The following IL1RAPL1 variants were observed in gnomAD, a reference collection of about 807,000 sequenced individuals.
IL1RAPL1 encodes interleukin 1 receptor accessory protein like 1, also known as interleukin-1 receptor accessory protein-like 1.
A neutral mutation model predicts 48.4 loss-of-function variants in IL1RAPL1; 3 were observed. That is an observed-to-expected ratio of 0.06 (90% CI 0.03 to 0.16). The LOEUF (loss-of-function observed/expected upper bound fraction) is 0.16. IL1RAPL1 is among the 10% of genes least tolerant of loss of function. IL1RAPL1 has a pLI of 1.00. For missense variants in IL1RAPL1, 349 were observed against 530.6 expected, an observed-to-expected ratio of 0.66 and a Z score of 3.36; for synonymous variants, 185 against 187.7, an observed-to-expected ratio of 0.99 and a Z score of 0.12.
intron 2 of IL1RAPL1, among the ~76,000 whole-genome samples, chrX:28,841,346 G>A (rs977632480): frequency 1.8e-5 from 2 of 110,387 alleles, no homozygotes; most frequent in Non-Finnish European, 3.8e-5. Context: ...CAGATACCAA[G>A]AATAACATAT....
chrX:28,920,496 C>G (rs1436102519), intron 2 of IL1RAPL1, among the ~76,000 whole-genome samples: 2 of 111,382 alleles, frequency 1.8e-5, no homozygotes, highest in Non-Finnish European at 3.8e-5. Flanking sequence ...ATCTTTTCTT[C>G]TTTTGGTAGC....
intron 5 of IL1RAPL1, among the ~76,000 whole-genome samples, chrX:29,647,668 C>G (rs762710093): frequency 1.6e-4 from 18 of 111,214 alleles, no homozygotes; most frequent in Non-Finnish European, 7.5e-5. Flanking sequence ...ATGTAAAAAG[C>G]AAGGAATCAA....
chrX:29,072,185 A>T (rs1190642098), intron 2 of IL1RAPL1, among the ~76,000 whole-genome samples: 2 of 109,956 alleles, frequency 1.8e-5, no homozygotes, highest in Non-Finnish European at 3.8e-5. Context: ...GCTCAGGGAC[A>T]CACCTTTCTC....
chrX:28,977,626 G>T (rs958400777), intron 2 of IL1RAPL1, among the ~76,000 whole-genome samples: 1 of 112,052 alleles, frequency 8.9e-6, no homozygotes, highest in African/African-American at 3.2e-5. Flanking sequence ...AGTTTCAAAA[G>T]GTGTTGAGAG....
At chrX:29,245,002 A>T (rs1162741284) in intron 2 of IL1RAPL1, among the ~76,000 whole-genome samples, 2 of 98,653 alleles carry the variant, frequency 2.0e-5, no homozygotes, top group East Asian at 6.2e-4. Context: ...TTCACCTCCC[A>T]CTTATGAGTG....
At chrX:28,925,972 A>G (rs1237119612) in intron 2 of IL1RAPL1, among the ~76,000 whole-genome samples, 2 of 112,281 alleles carry the variant, frequency 1.8e-5, no homozygotes, top group Admixed American at 1.9e-4. Context: ...ATATTTAGAC[A>G]TTCTATTATT....
chrX:28,594,476 A>G (rs1406421371), intron 1 of IL1RAPL1, among the ~76,000 whole-genome samples: 3 of 112,191 alleles, frequency 2.7e-5, no homozygotes. Context: ...ATAAAAACCT[A>G]ATAGAATTAT....
intron 5 of IL1RAPL1, among the ~76,000 whole-genome samples, chrX:29,456,062 TA>T (rs201146162): frequency 0.1 from 10,883 of 106,377 alleles, 933 homozygotes; most frequent in African/African-American, 0.28. Context: ...TTTAGAAAAT[TA>T]AAAAAAAAAC....
At chrX:29,884,698 T>C (rs978795726) in intron 6 of IL1RAPL1, among the ~76,000 whole-genome samples, 2 of 111,513 alleles carry the variant, frequency 1.8e-5, no homozygotes, top group African/African-American at 6.5e-5. Flanking sequence ...CCAAACTCCA[T>C]ATGTTCAAAA....
At chrX:29,706,808 A>C (rs1009726442) in intron 6 of IL1RAPL1, among the ~76,000 whole-genome samples, 1 of 112,094 alleles carries the variant, frequency 8.9e-6, no homozygotes, top group Non-Finnish European at 1.9e-5. Flanking sequence ...AAGATGGATC[A>C]AAGACTTAAG....
At chrX:29,592,230 G>A (rs1923400435) in intron 5 of IL1RAPL1, among the ~76,000 whole-genome samples, 1 of 111,394 alleles carries the variant, frequency 9.0e-6, no homozygotes, top group African/African-American at 3.3e-5. Context: ...TAACTCTGTT[G>A]CTTTATTAAA....
chrX:29,192,154 C>T (rs927180090), intron 2 of IL1RAPL1, among the ~76,000 whole-genome samples: 8 of 111,710 alleles, frequency 7.2e-5, no homozygotes, highest in Non-Finnish European at 1.1e-4. Flanking sequence ...GGACACGACT[C>T]GCAGGCATAT....
At chrX:29,949,268 A>G (rs1352728775) in intron 9 of IL1RAPL1, among the ~76,000 whole-genome samples, 1 of 111,943 alleles carries the variant, frequency 8.9e-6, no homozygotes, top group Non-Finnish European at 1.9e-5. Flanking sequence ...ACAGAGTCCA[A>G]ACTTCCTTCT....
chrX:29,814,653 A>C (rs1930453068), intron 6 of IL1RAPL1, among the ~76,000 whole-genome samples: 1 of 111,839 alleles, frequency 8.9e-6, no homozygotes, highest in South Asian at 3.7e-4. Context: ...ATTCTTTGCC[A>C]AGGCCAACGT....
chrX:29,428,759 G>C (rs1228712014), intron 5 of IL1RAPL1, among the ~76,000 whole-genome samples: 1 of 111,406 alleles, frequency 9.0e-6, no homozygotes, highest in Non-Finnish European at 1.9e-5. Context: ...TCTGAAACCA[G>C]ATGCTTAAAA....
intron 6 of IL1RAPL1, among the ~76,000 whole-genome samples, chrX:29,674,700 T>TTC (rs200499004): frequency 1.8e-5 from 2 of 111,350 alleles, no homozygotes; most frequent in African/African-American, 6.5e-5. Context: ...TATTTTTTTC[T>TTC]TCTCTCTCTC....
At chrX:29,528,389 T>C (rs1935577033) in intron 5 of IL1RAPL1, among the ~76,000 whole-genome samples, 1 of 112,606 alleles carries the variant, frequency 8.9e-6, no homozygotes, top group African/African-American at 3.2e-5. Context: ...AGTAAAAGAA[T>C]GTTTTTCTAC....
intron 6 of IL1RAPL1, among the ~76,000 whole-genome samples, chrX:29,909,588 G>A (rs752461128): frequency 3.4e-4 from 38 of 111,412 alleles, no homozygotes; most frequent in Admixed American, 3.3e-3. Flanking sequence ...TAGCCAGGAG[G>A]GTGAAATATC....
chrX:29,410,376 G>A (rs184557129), intron 5 of IL1RAPL1, among the ~76,000 whole-genome samples: 51 of 108,157 alleles, frequency 4.7e-4, no homozygotes, highest in African/African-American at 1.7e-3. Flanking sequence ...CAGGAGAATC[G>A]CTTGAAACTG....
Sources: gnomAD v4.1 joint callset for allele counts (sites outside exome capture counted in the v4.1 genomes callset) on GRCh38, gnomAD v4.1.1 for gene constraint, MANE v1.5 for transcripts, NCBI Gene and HGNC (gene_info 2026-07-23, HGNC 2026-07-21) for gene names.